The following HDAC9 variants were observed in gnomAD, a reference collection of about 807,000 sequenced individuals.
HDAC9 encodes the protein MEF-2 interacting transcription repressor (MITR) protein.
Under a neutral mutation model 139.4 loss-of-function variants are expected in HDAC9, and 41 were observed. That is an observed-to-expected ratio of 0.29 (90% confidence interval 0.23 to 0.38). HDAC9 has a LOEUF of 0.38. Ranked by LOEUF, HDAC9 falls within the 10% of genes least tolerant of loss-of-function variation. The probability of loss-of-function intolerance (pLI) is 1.00; values close to 1 mark genes in which losing one functional copy is unlikely to be tolerated. For synonymous variants in HDAC9, 517 were observed against 476.2 expected (o/e 1.09, Z -1.12); for missense variants, 1,147 against 1,297.0 (o/e 0.88, Z 1.78).
At chr7:18,244,635 A>G (rs1794397077) in intron 2 of HDAC9, among the ~76,000 whole-genome samples, 1 of 152,062 alleles carries the variant, frequency 6.6e-6, no homozygotes, top group South Asian at 2.1e-4. Flanking sequence ...TATCTCTACT[A>G]AAAATACAAA....
chr7:18,777,335 C>T (rs1211482403), intron 16 of HDAC9, among the ~76,000 whole-genome samples: 8 of 3,562 alleles, frequency 2.2e-3, no homozygotes, highest in Non-Finnish European at 2.6e-3. Context: ...ATGACCTTTG[C>T]AAGTGGGTTG....
chr7:18,590,586 A>G, intron 4 of HDAC9, 100 bp downstream of exon 4: 1 of 1,138,374 alleles, frequency 8.8e-7, no homozygotes, highest in Non-Finnish European at 1.2e-6. Flanking sequence ...GACTCGTCAA[A>G]ATTATCTGTG....
intron 11 of HDAC9, among the ~76,000 whole-genome samples, chr7:18,656,361 A>G (rs538073439): frequency 6.6e-6 from 1 of 152,216 alleles, no homozygotes; most frequent in Non-Finnish European, 1.5e-5. Context: ...ATTAACAACC[A>G]TTACACTTCA....
chr7:18,916,099 C>T (rs1209489342), intron 22 of HDAC9, among the ~76,000 whole-genome samples: 1 of 151,146 alleles, frequency 6.6e-6, no homozygotes, highest in African/African-American at 2.4e-5. Context: ...TTTGGCTGTT[C>T]TTGCATTTTC....
chr7:18,733,292 G>A (rs965309919), intron 13 of HDAC9, among the ~76,000 whole-genome samples: 1 of 147,926 alleles, frequency 6.8e-6, no homozygotes, highest in African/African-American at 2.5e-5. Context: ...GTATATATGT[G>A]TATATATGTG....
intron 2 of HDAC9, among the ~76,000 whole-genome samples, chr7:18,554,426 C>G (rs1039972646): frequency 6.7e-6 from 1 of 150,250 alleles, no homozygotes; most frequent in African/African-American, 2.4e-5. Context: ...AGCTCCACCT[C>G]CTGGGTTCAC....
intron 6 of HDAC9, among the ~76,000 whole-genome samples, chr7:18,617,503 C>T (rs1306093574): frequency 6.6e-6 from 1 of 152,164 alleles, no homozygotes; most frequent in Admixed American, 6.5e-5. Flanking sequence ...TTCAATAGTT[C>T]ATACTCATCT....
chr7:18,087,026 C>G (rs1262189091), exon 1 of HDAC9: 3 of 151,598 alleles, frequency 2.0e-5, no homozygotes, highest in Non-Finnish European at 2.9e-5. Context: ...TAGCGCCCGC[C>G]GCGGCCGGTA....
rs942601899 is a variant in HDAC9 at position 18,997,696 on chromosome 7, C to T, written c.*1634C>T. 6.6e-6 allele frequency: 1 copy of T among 152,228 alleles called. No individual in the cohort carries two copies. Among genetic ancestry groups the T allele is most frequent in the Admixed American group, 6.5e-5 (1 of 15,288 alleles). 9.4% of individuals were successfully genotyped at this position (152,228 alleles called of 1,614,324 possible). On this transcript the variant is annotated 3_prime_UTR_variant, in exon 26 of 26. Transcript: ENST00000686413. ...ACAATATGGTTTTAGTTAGAGAGGA[C>T]TCTAACCTGTAAATCAAAGATGAAA...
At chr7:18,964,559 A>C (rs1783728687) in intron 24 of HDAC9, among the ~76,000 whole-genome samples, 1 of 152,176 alleles carries the variant, frequency 6.6e-6, no homozygotes, top group Admixed American at 6.5e-5. Flanking sequence ...TACTCCATTC[A>C]CACACTGTTT....
rs182107313 is a variant in HDAC9, at chr7:18,863,610, A to G, written c.2685-10868A>G. ...AAAATACATCTGTGAACAAAGAGAC[A>G]AACATTTCTTCCCTAGAGAACTTGA... is the stretch of plus-strand genomic sequence containing the variant. On this transcript the variant is annotated intron_variant, in intron 21 of 25. Coordinates refer to ENST00000686413, the MANE Select transcript of HDAC9 (RefSeq NM_178425.4). 9.2e-3 allele frequency among the ~76,000 whole-genome samples: 1,401 copies of G among 152,286 alleles called. 22 individuals are homozygous for G. The highest frequency in any genetic ancestry group is 0.017 in the Middle Eastern group (5 of 294).
intron 22 of HDAC9, among the ~76,000 whole-genome samples, chr7:18,882,276 T>C (rs1799794992): frequency 6.6e-6 from 1 of 152,136 alleles, no homozygotes; most frequent in Non-Finnish European, 1.5e-5. Flanking sequence ...TGTTCTATAA[T>C]ATTTTAATTA....
chr7:18,149,988 T>G (rs548770663), intron 1 of HDAC9, among the ~76,000 whole-genome samples: 1 of 152,166 alleles, frequency 6.6e-6, no homozygotes, highest in African/African-American at 2.4e-5. Context: ...TAATCTAAAG[T>G]GCTCAGCCAT....
rs746089054 is a variant in HDAC9 at position 18,273,056 on chromosome 7, G to GTTT, written c.25+110732_25+110734dup. Among the ~76,000 whole-genome samples the GTTT allele has an allele frequency of 8.8e-4, 75 of 84,770 alleles. 11 individuals are homozygous for GTTT. Among genetic ancestry groups the GTTT allele is most frequent in the African/African-American group, 3.8e-3 (63 of 16,684 alleles). 55.6% of individuals were successfully genotyped at this position (84,770 alleles called of 152,430 possible). The stretch of plus-strand genomic sequence containing the variant: ...CCTCTTCCCCTTCTTCCCCTTCTTC[G>GTTT]TTTTTTTTTTTTTTTTTTTTTTTTT... On this transcript the variant is annotated intron_variant, in intron 2 of 12. Transcript: ENST00000417496.
At chr7:18,151,354 G>C (rs1037567397) in intron 1 of HDAC9, among the ~76,000 whole-genome samples, 1 of 152,154 alleles carries the variant, frequency 6.6e-6, no homozygotes, top group African/African-American at 2.4e-5. Flanking sequence ...CATTTGTTGA[G>C]ATGGAGTTGC....
intron 1 of HDAC9, among the ~76,000 whole-genome samples, chr7:18,135,072 A>T (rs1034684188): frequency 1.3e-5 from 2 of 152,128 alleles, no homozygotes; most frequent in African/African-American, 4.8e-5. Context: ...TGAGTTCATC[A>T]TATGTGACAG....
At chr7:18,476,301 A>G (rs950516829) in intron 1 of HDAC9, among the ~76,000 whole-genome samples, 1 of 152,124 alleles carries the variant, frequency 6.6e-6, no homozygotes, top group African/African-American at 2.4e-5. Flanking sequence ...ATTCAATCCT[A>G]ATGACAAATG....
intron 1 of HDAC9, among the ~76,000 whole-genome samples, chr7:18,104,292 C>T (rs563405588): frequency 6.6e-6 from 1 of 151,652 alleles, no homozygotes; most frequent in East Asian, 1.9e-4. Flanking sequence ...TTTTTGTAAC[C>T]ATAAGCTTGA....
intron 1 of HDAC9, among the ~76,000 whole-genome samples, chr7:18,336,645 C>T (rs1456736122): frequency 6.6e-6 from 1 of 151,604 alleles, no homozygotes; most frequent in Non-Finnish European, 1.5e-5. Flanking sequence ...AAAAGTCACT[C>T]TCCAAGTTCA....
Sources: gnomAD v4.1 joint callset for allele counts (sites outside exome capture counted in the v4.1 genomes callset) on GRCh38, gnomAD v4.1.1 for gene constraint, MANE v1.5 for transcripts, NCBI Gene and HGNC (gene_info 2026-07-23, HGNC 2026-07-21) for gene names.